VSTM2B: variants seen among roughly 807,000 people sequenced by gnomAD.
VSTM2B encodes the protein V-set and transmembrane domain containing 2B, also known as V-set and transmembrane domain-containing protein 2B.
VSTM2B carries 24 observed loss-of-function variants against 24.0 expected under a neutral mutation model. The observed-to-expected ratio is 1.00, with a 90% confidence interval of 0.72 to 1.40. VSTM2B has a LOEUF of 1.40. VSTM2B is among the 40% of genes most tolerant of loss of function. VSTM2B has a pLI of 0.00. For missense variants in VSTM2B, 399 were observed against 416.4 expected (o/e 0.96, Z 0.36); for synonymous variants, 226 against 194.4 (o/e 1.16, Z -1.35).
intron 4 of VSTM2B, among the ~76,000 whole-genome samples, chr19:29,561,098 G>T (rs1404673661): frequency 6.6e-6 from 1 of 152,110 alleles, no homozygotes; most frequent in Admixed American, 6.5e-5. Context: ...GATCACTTGA[G>T]GTCAGAAGTT....
intron 4 of VSTM2B, among the ~76,000 whole-genome samples, chr19:29,541,127 G>A (rs987425126): frequency 6.6e-6 from 1 of 152,198 alleles, no homozygotes; most frequent in Non-Finnish European, 1.5e-5. Flanking sequence ...AGAGTTTACT[G>A]GTCAAACAGG....
At chr19:29,532,362 G>A (rs1473183971) in intron 4 of VSTM2B, among the ~76,000 whole-genome samples, 2 of 152,190 alleles carry the variant, frequency 1.3e-5, no homozygotes, top group Non-Finnish European at 2.9e-5. Context: ...TGCAAGGGGA[G>A]CGTGACTCTT....
At chr19:29,539,607 G>A (rs1050130340) in intron 4 of VSTM2B, among the ~76,000 whole-genome samples, 23 of 152,186 alleles carry the variant, frequency 1.5e-4, no homozygotes, top group East Asian at 3.8e-4. Flanking sequence ...TCACGCCACC[G>A]TTACAGGCTC....
intron 1 of VSTM2B, 76 bp from the exon 2 acceptor site, chr19:29,527,135 C>G: frequency 1.5e-6 from 2 of 1,321,364 alleles, no homozygotes; most frequent in Middle Eastern, 3.7e-4. Context: ...AGCCAGAGAC[C>G]GACTGCCTCG....
intron 2 of VSTM2B, 116 bp from the exon 3 acceptor site, chr19:29,528,317 G>T (rs1414727557): frequency 3.2e-5 from 42 of 1,296,638 alleles, no homozygotes; most frequent in Non-Finnish European, 4.3e-5. Flanking sequence ...CCCATCCCCC[G>T]GGCGGTTTCG....
chr19:29,554,476 C>A (rs1460970131), intron 4 of VSTM2B, among the ~76,000 whole-genome samples: 3 of 152,112 alleles, frequency 2.0e-5, no homozygotes, highest in Non-Finnish European at 1.5e-5. Flanking sequence ...CACTGAAGTA[C>A]AAAGACCAAT....
intron 4 of VSTM2B, among the ~76,000 whole-genome samples, chr19:29,534,886 AG>A (rs1880835218): frequency 6.6e-6 from 1 of 152,132 alleles, no homozygotes; most frequent in African/African-American, 2.4e-5. Context: ...TTTTTAAGTG[AG>A]CCACTTTGGT....
At chr19:29,563,627 T>G (rs1474357613) in intron 4 of VSTM2B, among the ~76,000 whole-genome samples, 1 of 152,178 alleles carries the variant, frequency 6.6e-6, no homozygotes, top group African/African-American at 2.4e-5. Flanking sequence ...TTGTGTCTGA[T>G]CTCACTAGGA....
At chr19:29,530,435 G>GC (rs1555748214) in intron 4 of VSTM2B, 145 bp downstream of exon 4, 17,117 of 663,504 alleles carry the variant, frequency 0.026, 340 homozygotes, top group African/African-American at 0.072. Context: ...GGTCGGGAGC[G>GC]CCCCCCCCAG....
In VSTM2B at chr19:29,527,247, G is replaced by A. The variant is rs913198778; in HGVS notation, c.119G>A (p.Arg40Gln). The change falls in exon 2 of 5, where the codon CGG becomes CAG. Residue 40 changes from arginine to glutamine, a missense_variant. Arg to Gln is a conservative substitution (Grantham distance 43). Transcript: ENST00000335523. ...GAAGTCCCCAAAGATGTGACAGTAC[G>A]GGAGGGAGACGACATCGAAATGCCC... ...FTEVPKDVTV[R>Q]EGDDIEMPCA... The A allele has an allele frequency of 1.3e-6, 2 of 1,550,246 alleles. No individual in the cohort carries two copies. The highest frequency in any genetic ancestry group is 2.0e-5 in the Admixed American group (1 of 50,986).
At position 29,527,298 on chromosome 19, in the gene VSTM2B, C is replaced by T. The variant is rs370930223; in HGVS notation, c.170C>T (p.Thr57Ile). Residue 57 changes from threonine (T) to isoleucine (I), a missense_variant, in exon 2 of 5, where the codon ACC (threonine) becomes ATC (isoleucine). Thr to Ile is a moderately conservative substitution (Grantham distance 89). Transcript: ENST00000335523. Reference protein sequence around the residue: ...MPCAFRASGATSYSLEIQWWY... With the variant: ...MPCAFRASGAISYSLEIQWWY... The stretch of plus-strand genomic sequence containing the variant: ...TGCGCGTTCCGGGCCAGCGGAGCCA[C>T]CTCGTATTCGCTGGAGATTCAGTGG... 1.3e-5 allele frequency: 20 copies of T among 1,550,304 alleles called. No individual in the cohort carries two copies. The highest frequency in any genetic ancestry group is 1.7e-5 in the Non-Finnish European group (20 of 1,146,842).
At chr19:29,562,375 C>G (rs1454556870) in intron 4 of VSTM2B, among the ~76,000 whole-genome samples, 1 of 152,294 alleles carries the variant, frequency 6.6e-6, no homozygotes, top group Admixed American at 6.5e-5. Context: ...AGGGAAGCCT[C>G]AAGTCTCTGT....
intron 4 of VSTM2B, among the ~76,000 whole-genome samples, chr19:29,557,998 T>A (rs1970448907): frequency 6.6e-6 from 1 of 151,816 alleles, no homozygotes; most frequent in East Asian, 1.9e-4. Flanking sequence ...TAAACAAATT[T>A]ACAAGAAAAA....
intron 4 of VSTM2B, among the ~76,000 whole-genome samples, chr19:29,541,359 G>A (rs1024220903): frequency 6.6e-6 from 1 of 152,180 alleles, no homozygotes; most frequent in South Asian, 2.1e-4. Context: ...TTGGATGGAT[G>A]GGTTGATGGA....
intron 4 of VSTM2B, among the ~76,000 whole-genome samples, chr19:29,563,250 CT>C (rs5827658): frequency 0.013 from 1,870 of 144,818 alleles, 50 homozygotes; most frequent in African/African-American, 0.044. Context: ...AGCATATTGT[CT>C]TTTTTTTTTT....
intron 4 of VSTM2B, among the ~76,000 whole-genome samples, chr19:29,538,085 A>C (rs1268304358): frequency 6.6e-6 from 1 of 152,322 alleles, no homozygotes; most frequent in East Asian, 1.9e-4. Context: ...TTTCAATGCC[A>C]ACAAATTTGC....
intron 4 of VSTM2B, among the ~76,000 whole-genome samples, chr19:29,546,675 C>T (rs1970164370): frequency 6.6e-6 from 1 of 150,704 alleles, no homozygotes; most frequent in South Asian, 2.1e-4. Context: ...GGGGAGCCCC[C>T]ACCCCCACCC....
At chr19:29,544,847 G>A (rs1970113991) in intron 4 of VSTM2B, among the ~76,000 whole-genome samples, 1 of 152,146 alleles carries the variant, frequency 6.6e-6, no homozygotes, top group Non-Finnish European at 1.5e-5. Context: ...TAGACCAGCT[G>A]GGATGTCTAA....
chr19:29,547,127 C>T (rs1970174979), intron 4 of VSTM2B, among the ~76,000 whole-genome samples: 1 of 152,138 alleles, frequency 6.6e-6, no homozygotes, highest in Non-Finnish European at 1.5e-5. Context: ...AATATAGGAC[C>T]CCCCGTTAAA....
Sources: gnomAD v4.1 joint callset for allele counts (sites outside exome capture counted in the v4.1 genomes callset) on GRCh38, gnomAD v4.1.1 for gene constraint, MANE v1.5 for transcripts, NCBI Gene and HGNC (gene_info 2026-07-23, HGNC 2026-07-21) for gene names.